Variants in GABRB1 observed in about 807,000 individuals in gnomAD.
GABRB1 encodes the protein gamma-aminobutyric acid type A receptor subunit beta1, also known as gamma-aminobutyric acid receptor subunit beta-1.
In GABRB1, 17 loss-of-function variants were observed where a neutral mutation model predicts 51.6. The observed-to-expected ratio is 0.33, with a 90% CI of 0.23 to 0.49. The LOEUF is 0.49. Among genes scored for constraint, GABRB1 ranks in the 20% least tolerant of loss-of-function variants. GABRB1 has a pLI of 0.99. For synonymous variants in GABRB1, 247 were observed against 218.9 expected, an observed-to-expected ratio of 1.13 and a Z score of -1.14; for missense variants, 410 against 600.6, an observed-to-expected ratio of 0.68 and a Z score of 3.32.
intron 3 of GABRB1, among the ~76,000 whole-genome samples, chr4:47,159,567 T>C (rs1717849012): frequency 6.6e-6 from 1 of 151,944 alleles, no homozygotes; most frequent in South Asian, 2.1e-4. Flanking sequence ...TTAGAAAGGA[T>C]ATTGTGTGAC....
chr4:47,222,266 G>T (rs1382005820), intron 4 of GABRB1, among the ~76,000 whole-genome samples: 1 of 152,068 alleles, frequency 6.6e-6, no homozygotes, highest in Non-Finnish European at 1.5e-5. Context: ...TAGCAAGTAG[G>T]CAAATTAGTA....
At chr4:47,090,312 G>T (rs554677250) in intron 3 of GABRB1, among the ~76,000 whole-genome samples, 1 of 152,266 alleles carries the variant, frequency 6.6e-6, no homozygotes, top group South Asian at 2.1e-4. Context: ...ATCTATTTCA[G>T]ATTACAAAAT....
At chr4:47,067,818 C>T (rs1727153128) in intron 3 of GABRB1, among the ~76,000 whole-genome samples, 1 of 151,956 alleles carries the variant, frequency 6.6e-6, no homozygotes, top group Non-Finnish European at 1.5e-5. Flanking sequence ...CGCAGATCAA[C>T]CCATCACCTA....
rs2110051392 is a variant in GABRB1 at position 47,403,304 on chromosome 4, T to C, written c.545-14T>C. The C allele has an allele frequency of 1.2e-6, 2 of 1,613,206 alleles. No homozygotes were observed. Among genetic ancestry groups the C allele is most frequent in the Non-Finnish European group, 1.7e-6 (2 of 1,179,572 alleles). On this transcript the variant is annotated splice_polypyrimidine_tract_variant and intron_variant, in intron 5 of 8. Transcript: ENST00000295454. ...CTAAACTTTGTTTAACCGTGCTGTT[T>C]TTATTGGTTTCAGATGGCTATACCA...
chr4:47,050,247 A>T (rs1345871860), intron 3 of GABRB1, among the ~76,000 whole-genome samples: 1 of 152,204 alleles, frequency 6.6e-6, no homozygotes, highest in East Asian at 1.9e-4. Context: ...GAAAGTTACC[A>T]GTTAGGCATA....
rs535126956 is a variant in GABRB1, at chr4:47,077,939, T to A, written c.240+45455T>A. Among the ~76,000 whole-genome samples, 239 of 117,804 alleles carry A rather than the reference T, an allele frequency of 2.0e-3. 2 individuals are homozygous for A. Among genetic ancestry groups the A allele is most frequent in the African/African-American group, 7.1e-3 (216 of 30,440 alleles). The allele number at this position is 117,804 out of a possible 152,430, so 77.3% of individuals were successfully genotyped here. The stretch of plus-strand genomic sequence containing the variant: ...TATATATTTTATATATATTATATAT[T>A]TTATATATATTATATATTTTATATA... On this transcript the variant is annotated intron_variant, in intron 3 of 8. Coordinates refer to ENST00000295454, the MANE Select transcript of GABRB1 (RefSeq NM_000812.4).
chr4:47,175,173 C>A (rs113593720), intron 4 of GABRB1, among the ~76,000 whole-genome samples: 1 of 144,218 alleles, frequency 6.9e-6, no homozygotes, highest in Non-Finnish European at 1.5e-5. Context: ...CTTTATCTTT[C>A]TTTCTTTTCT....
intron 5 of GABRB1, among the ~76,000 whole-genome samples, chr4:47,351,537 C>T (rs1391327101): frequency 6.7e-6 from 1 of 150,306 alleles, no homozygotes. Flanking sequence ...TTAGGTATAT[C>T]TCCTAATGCT....
intron 5 of GABRB1, 101 bp downstream of exon 5, chr4:47,320,310 C>T (rs529198702): frequency 1.3e-5 from 10 of 773,680 alleles, no homozygotes; most frequent in Admixed American, 8.8e-5. Context: ...TTTCTAGCTG[C>T]GCTTGCCTGA....
At chr4:47,220,052 C>T (rs1204098314) in intron 4 of GABRB1, among the ~76,000 whole-genome samples, 1 of 151,846 alleles carries the variant, frequency 6.6e-6, no homozygotes, top group Non-Finnish European at 1.5e-5. Context: ...GTTATTTAAC[C>T]ACCTCTATCC....
At chr4:46,999,299 G>A (rs947294882) in intron 1 of GABRB1, among the ~76,000 whole-genome samples, 2 of 152,010 alleles carry the variant, frequency 1.3e-5, no homozygotes, top group Non-Finnish European at 2.9e-5. Context: ...GACTGATAAG[G>A]GACTAATAGA....
intron 4 of GABRB1, among the ~76,000 whole-genome samples, chr4:47,206,330 G>T (rs146092553): frequency 2.0e-5 from 3 of 151,964 alleles, no homozygotes; most frequent in African/African-American, 7.2e-5. Flanking sequence ...AATGCCAAGG[G>T]TAGAAATGGA....
intron 3 of GABRB1, among the ~76,000 whole-genome samples, chr4:47,126,142 T>C (rs1279296963): frequency 6.6e-6 from 1 of 152,042 alleles, no homozygotes; most frequent in Non-Finnish European, 1.5e-5. Context: ...TGCAATAGCA[T>C]GGATGAACCT....
intron 4 of GABRB1, among the ~76,000 whole-genome samples, chr4:47,195,406 A>G: frequency 1.9e-5 from 1 of 51,790 alleles, no homozygotes; most frequent in Non-Finnish European, 4.1e-5. Context: ...ATAGATAGAT[A>G]GATAGATAGA....
chr4:47,174,806 A>G (rs1384026132), intron 4 of GABRB1, among the ~76,000 whole-genome samples: 3 of 152,024 alleles, frequency 2.0e-5, no homozygotes, highest in Non-Finnish European at 4.4e-5. Context: ...CCTGTTTGAC[A>G]TATTCAGTTG....
intron 4 of GABRB1, among the ~76,000 whole-genome samples, chr4:47,180,433 C>T (rs1015085012): frequency 3.9e-5 from 6 of 152,020 alleles, no homozygotes; most frequent in South Asian, 4.1e-4. Flanking sequence ...TATCACAAGG[C>T]ATTCACATCA....
chr4:47,390,886 G>A (rs1381046734), intron 5 of GABRB1, among the ~76,000 whole-genome samples: 1 of 152,120 alleles, frequency 6.6e-6, no homozygotes, highest in Non-Finnish European at 1.5e-5. Flanking sequence ...TACTTGGAGA[G>A]GAGTAAGCTG....
At chr4:46,998,079 A>G (rs1362649809) in intron 1 of GABRB1, among the ~76,000 whole-genome samples, 1 of 152,194 alleles carries the variant, frequency 6.6e-6, no homozygotes, top group Non-Finnish European at 1.5e-5. Flanking sequence ...GGAATTTAAC[A>G]TATTGTATTT....
chr4:47,090,297 A>T (rs1728241238), intron 3 of GABRB1, among the ~76,000 whole-genome samples: 1 of 152,244 alleles, frequency 6.6e-6, no homozygotes, highest in African/African-American at 2.4e-5. Context: ...ATAGGATTCT[A>T]TTCCATCTAT....
Sources: gnomAD v4.1 joint callset for allele counts (sites outside exome capture counted in the v4.1 genomes callset) on GRCh38, gnomAD v4.1.1 for gene constraint, MANE v1.5 for transcripts, NCBI Gene and HGNC (gene_info 2026-07-23, HGNC 2026-07-21) for gene names.